Variants in STXBP3 observed in about 807,000 individuals in gnomAD.
The protein encoded by STXBP3 is syntaxin binding protein 3, also known as syntaxin-binding protein 3.
STXBP3 carries 41 observed loss-of-function variants against 85.7 expected under a neutral mutation model. The ratio of observed to expected loss-of-function variants is 0.48; its 90% CI spans 0.37 to 0.62. STXBP3 has a LOEUF of 0.62. Ranked by LOEUF, STXBP3 falls within the 20% of genes least tolerant of loss-of-function variation. The pLI is 0.00. For missense variants in STXBP3, 563 were observed against 703.1 expected, an observed-to-expected ratio of 0.80 and a Z score of 2.25; for synonymous variants, 229 against 231.7, an observed-to-expected ratio of 0.99 and a Z score of 0.10.
chr1:108,807,063 C>A (rs1404062349), intron 17 of STXBP3, among the ~76,000 whole-genome samples: 2 of 152,026 alleles, frequency 1.3e-5, no homozygotes, highest in Admixed American at 1.3e-4. Flanking sequence ...ACCAGCGTGG[C>A]CAACATGGTG....
At chr1:108,808,636 C>A in intron 18 of STXBP3, 147 bp from the exon 19 acceptor site, 1 of 707,302 alleles carries the variant, frequency 1.4e-6, no homozygotes, top group South Asian at 1.6e-5. Context: ...GCAGCATAGG[C>A]AGATTTCAGG....
chr1:108,760,126 A>G (rs780125554), intron 6 of STXBP3, 41 bp downstream of exon 6: 2 of 1,324,824 alleles, frequency 1.5e-6, no homozygotes, highest in South Asian at 2.8e-5. Flanking sequence ...AGAGGTTTCA[A>G]ATTTGGTTTT....
intron 9 of STXBP3, chr1:108,782,072 A>G (rs61797330): frequency 0.045 from 7,825 of 175,240 alleles, 243 homozygotes; most frequent in Admixed American, 0.069. Context: ...ACATCAAAAC[A>G]ATGTTGTAGG....
intron 6 of STXBP3, among the ~76,000 whole-genome samples, chr1:108,769,488 TTAG>T (rs1310038800): frequency 6.6e-5 from 10 of 152,286 alleles, no homozygotes; most frequent in African/African-American, 2.2e-4. Flanking sequence ...TCTGGTACAG[TTAG>T]TAGAGAGGAT....
intron 1 of STXBP3, among the ~76,000 whole-genome samples, chr1:108,747,806 GA>G (rs1427059142): frequency 1.3e-5 from 2 of 152,118 alleles, no homozygotes; most frequent in African/African-American, 4.8e-5. Flanking sequence ...ATAAATAGGT[GA>G]AAAATATGAA....
At chr1:108,782,352 T>G (rs1662732992) in intron 9 of STXBP3, 70 bp from the exon 10 acceptor site, 1 of 1,170,338 alleles carries the variant, frequency 8.5e-7, no homozygotes, top group Non-Finnish European at 1.2e-6. Flanking sequence ...AATTATTGTT[T>G]GTAAAAATGT....
chr1:108,772,418 TATATAAATA>T (rs1557806721), intron 6 of STXBP3, among the ~76,000 whole-genome samples: 3 of 132,310 alleles, frequency 2.3e-5, no homozygotes, highest in African/African-American at 8.5e-5. Context: ...TCTATCTGTA[TATATAAATA>T]CATATGATAT....
intron 13 of STXBP3, among the ~76,000 whole-genome samples, chr1:108,795,244 C>A (rs2101132299): frequency 6.6e-6 from 1 of 152,282 alleles, no homozygotes; most frequent in African/African-American, 2.4e-5. Context: ...GCTCATTTTA[C>A]AAGGGGCCTT....
At chr1:108,803,166 C>A (rs1663266394) in intron 17 of STXBP3, among the ~76,000 whole-genome samples, 1 of 151,910 alleles carries the variant, frequency 6.6e-6, no homozygotes, top group Non-Finnish European at 1.5e-5. Context: ...TATTTTTATT[C>A]TTGTAGCAGT....
intron 6 of STXBP3, among the ~76,000 whole-genome samples, chr1:108,760,933 C>T (rs915668227): frequency 6.6e-6 from 1 of 151,888 alleles, no homozygotes. Flanking sequence ...GACTGAGTTT[C>T]GCTTTTGTCA....
At position 108,755,222 on chromosome 1, in the gene STXBP3, G is replaced by C. The variant is rs989062412; in HGVS notation, c.182-1468G>C. 2.6e-5 allele frequency among the ~76,000 whole-genome samples: 4 copies of C among 152,224 alleles called. No homozygotes were observed. In the East Asian group the frequency reaches 7.7e-4, roughly 29 times the overall value. Reference sequence around the variant, plus strand: ...GCACTTCGGGAGGCTGAGGCAGGAAGATCACTTGAACTCAGGAGTTCAAGA... The same window carrying C: ...GCACTTCGGGAGGCTGAGGCAGGAACATCACTTGAACTCAGGAGTTCAAGA... On this transcript the variant is annotated intron_variant, in intron 3 of 18. Transcript: ENST00000370008.
At chr1:108,775,920 A>AACACACACACAC (rs59575550) in intron 7 of STXBP3, among the ~76,000 whole-genome samples, 137 of 150,088 alleles carry the variant, frequency 9.1e-4, no homozygotes, top group African/African-American at 3.2e-3. Context: ...ATAAATCTCA[A>AACACACACACAC]ACACACACAC....
chr1:108,749,613 A>G (rs1425040644), intron 1 of STXBP3, among the ~76,000 whole-genome samples: 1 of 152,192 alleles, frequency 6.6e-6, no homozygotes, highest in Admixed American at 6.5e-5. Flanking sequence ...GTTCTATAGT[A>G]TTTGTTGATA....
intron 12 of STXBP3, among the ~76,000 whole-genome samples, chr1:108,793,913 T>G (rs561943343): frequency 6.6e-6 from 1 of 152,264 alleles, no homozygotes; most frequent in African/African-American, 2.4e-5. Flanking sequence ...TTTATCAACC[T>G]TACAAGAAAT....
chr1:108,808,678 C>G (rs1490324972), intron 18 of STXBP3, 105 bp from the exon 19 acceptor site: 3 of 849,260 alleles, frequency 3.5e-6, no homozygotes, highest in Admixed American at 4.6e-5. Context: ...GTTACATTAC[C>G]CCAGGCTACT....
chr1:108,767,231 A>G (rs1246735889), intron 6 of STXBP3: 4 of 231,658 alleles, frequency 1.7e-5, no homozygotes, highest in Non-Finnish European at 2.6e-5. Context: ...TTCAATGAGC[A>G]TAGCTTTGAC....
chr1:108,805,837 GTGCCCTGTGATGA>G (rs1244300884), intron 17 of STXBP3, among the ~76,000 whole-genome samples: 1 of 152,140 alleles, frequency 6.6e-6, no homozygotes. Context: ...CGAGGCTGTA[GTGCCCTGTGATGA>G]TGCTGGTCCG....
intron 9 of STXBP3, chr1:108,781,683 T>G (rs1167132269): frequency 6.6e-6 from 1 of 152,194 alleles, no homozygotes; most frequent in Non-Finnish European, 1.5e-5. Flanking sequence ...CCTTCAATAT[T>G]TAATAGGTTA....
Position 108,746,692 on chromosome 1 carries a change from G to A in STXBP3, c.-46G>A, listed in dbSNP as rs1008015590. The A allele has an allele frequency of 7.1e-6, 11 of 1,547,700 alleles. No homozygotes were observed. The African/African-American group carries it at 1.2e-4, about 17-fold the overall frequency. On this transcript the variant is annotated 5_prime_UTR_variant, in exon 1 of 19. Coordinates refer to ENST00000370008, the MANE Select transcript of STXBP3 (RefSeq NM_007269.4). The stretch of plus-strand genomic sequence containing the variant: ...CAACGCCGCTTCTGCGGCCAAAGTA[G>A]GTTGGGAGTGGAAGGTGGTGGCTGC...
Sources: allele counts gnomAD v4.1 joint callset (sites outside exome capture counted in the v4.1 genomes callset), GRCh38; gene constraint gnomAD v4.1.1; transcripts MANE v1.5; gene names NCBI Gene and HGNC (gene_info 2026-07-23, HGNC 2026-07-21).